PHF20: variants seen among roughly 807,000 people sequenced by gnomAD.
PHF20 encodes PHD finger protein 20, also known as glioma-expressed antigen 2.
A neutral mutation model predicts 113.5 loss-of-function variants in PHF20; 23 were observed. The ratio of observed to expected loss-of-function variants is 0.20; its 90% CI spans 0.15 to 0.29. The LOEUF (loss-of-function observed/expected upper bound fraction) is 0.29, where lower values mean the gene tolerates loss of function less well. PHF20 is among the 10% of genes least tolerant of loss of function. PHF20 has a pLI of 1.00. For synonymous variants in PHF20, 434 were observed against 457.3 expected, an observed-to-expected ratio of 0.95 and a Z score of 0.65; for missense variants, 943 against 1,219.6, an observed-to-expected ratio of 0.77 and a Z score of 3.38.
intron 2 of PHF20, among the ~76,000 whole-genome samples, chr20:35,840,040 C>T (rs1038609192): frequency 2.6e-5 from 4 of 152,136 alleles, no homozygotes; most frequent in African/African-American, 9.7e-5. Flanking sequence ...AGTATACAGA[C>T]ACAAGAAAGC....
intron 12 of PHF20, among the ~76,000 whole-genome samples, chr20:35,917,015 C>T (rs888514608): frequency 4.6e-5 from 7 of 152,172 alleles, no homozygotes; most frequent in African/African-American, 7.2e-5. Context: ...CCTCCTCCTT[C>T]GGCCTCCCAA....
intron 2 of PHF20, among the ~76,000 whole-genome samples, chr20:35,810,016 G>A (rs62211721): frequency 0.015 from 2,355 of 152,154 alleles, 30 homozygotes; most frequent in Non-Finnish European, 0.023. Context: ...TGCAACCTCC[G>A]CCTCCTGAGT....
chr20:35,802,130 G>T (rs2041791413), intron 2 of PHF20, among the ~76,000 whole-genome samples: 1 of 152,094 alleles, frequency 6.6e-6, no homozygotes, highest in South Asian at 2.1e-4. Flanking sequence ...ACCTCTGGCT[G>T]GTAATTAGCT....
intron 15 of PHF20, among the ~76,000 whole-genome samples, chr20:35,936,087 A>G: frequency 6.6e-6 from 1 of 152,184 alleles, no homozygotes; most frequent in East Asian, 1.9e-4. Context: ...CGCAGTTGGA[A>G]GGATGAAAAT....
chr20:35,933,510 C>A (rs1018189343), intron 15 of PHF20, among the ~76,000 whole-genome samples: 3 of 152,052 alleles, frequency 2.0e-5, no homozygotes, highest in Non-Finnish European at 4.4e-5. Context: ...CATTCTCCTG[C>A]CTCAGCCTCC....
chr20:35,881,347 C>T (rs540818798), intron 9 of PHF20, among the ~76,000 whole-genome samples: 26 of 151,858 alleles, frequency 1.7e-4, no homozygotes, highest in African/African-American at 1.7e-4. Context: ...CGTGAGCCAC[C>T]GCACCCGGCC....
chr20:35,937,479 A>G lies in PHF20; in HGVS notation c.2301-1218A>G, dbSNP rs973495804. 9.9e-5 allele frequency among the ~76,000 whole-genome samples: 15 copies of G among 152,198 alleles called. No homozygotes were observed. The South Asian group carries it at 1.0e-3, about 11-fold the overall frequency. On this transcript the variant is annotated intron_variant, in intron 15 of 17. Coordinates refer to ENST00000374012, the MANE Select transcript of PHF20 (RefSeq NM_016436.5). ...GCGAAACTCCGTCTCAAAAAAAAAA[A>G]AAAGAAAGAAAGAAAGGAGTGTCTG... is the stretch of plus-strand genomic sequence containing the variant.
chr20:35,807,812 A>AT (rs1262015854), intron 2 of PHF20, among the ~76,000 whole-genome samples: 1 of 152,166 alleles, frequency 6.6e-6, no homozygotes, highest in African/African-American at 2.4e-5. Flanking sequence ...TTGAACATTG[A>AT]TTGGTTATTT....
At chr20:35,807,090 C>T (rs988029818) in intron 2 of PHF20, among the ~76,000 whole-genome samples, 6 of 152,032 alleles carry the variant, frequency 3.9e-5, no homozygotes, top group Admixed American at 6.6e-5. Context: ...CCACTGCACC[C>T]GGTCAACCTT....
chr20:35,850,299 T>TA (rs2042697445), intron 4 of PHF20, among the ~76,000 whole-genome samples: 1 of 96,684 alleles, frequency 1.0e-5, no homozygotes, highest in East Asian at 2.7e-4. Flanking sequence ...CCCCTCCGTT[T>TA]TTTTTTTTTT....
chr20:35,799,111 G>C (rs1004362419), intron 1 of PHF20, among the ~76,000 whole-genome samples: 2 of 152,012 alleles, frequency 1.3e-5, no homozygotes, highest in African/African-American at 4.8e-5. Flanking sequence ...GGCAGGCATT[G>C]CTCTGGCAGT....
At chr20:35,848,961 C>A (rs2042671138) in intron 4 of PHF20, among the ~76,000 whole-genome samples, 1 of 151,778 alleles carries the variant, frequency 6.6e-6, no homozygotes, top group South Asian at 2.1e-4. Flanking sequence ...TGGTCATTTG[C>A]AACGCTAATA....
At chr20:35,822,921 C>A (rs532692779) in intron 2 of PHF20, among the ~76,000 whole-genome samples, 9 of 151,508 alleles carry the variant, frequency 5.9e-5, no homozygotes, top group Admixed American at 2.0e-4. Flanking sequence ...CAGCCTCCCC[C>A]ACTTTCAACA....
At position 35,863,388 on chromosome 20, in the gene PHF20, A is replaced by G. The variant is rs745400759; in HGVS notation, c.796A>G (p.Ile266Val). The G allele has an allele frequency of 1.7e-5, 27 of 1,600,026 alleles. No homozygotes were observed. Among genetic ancestry groups the G allele is most frequent in the Non-Finnish European group, 2.2e-5 (26 of 1,175,666 alleles). ...AAGAAAACGAGGCAGACCCCCTTCC[A>G]TAGCTCCTACTGGTGAGTTTTTTAA... ...PKRKRGRPPS[I>V]APTAVDSNSQ... The change falls in exon 6 of 18, where the codon ATA becomes GTA. Residue 266 changes from isoleucine to valine, a missense_variant. Ile to Val is a conservative substitution (Grantham distance 29). Around this residue, in one of 3 missense-constraint regions of PHF20, gnomAD observed 592 missense variants for 787.2 expected, o/e 0.75. Coordinates refer to ENST00000374012, the MANE Select transcript of PHF20 (RefSeq NM_016436.5).
At chr20:35,785,353 CTT>C (rs1323845217) in intron 1 of PHF20, among the ~76,000 whole-genome samples, 1 of 152,012 alleles carries the variant, frequency 6.6e-6, no homozygotes, top group Non-Finnish European at 1.5e-5. Context: ...GAGTTTTGCT[CTT>C]GTCACCCAGG....
intron 2 of PHF20, among the ~76,000 whole-genome samples, chr20:35,822,987 G>A (rs1055795009): frequency 1.3e-5 from 2 of 151,270 alleles, no homozygotes; most frequent in East Asian, 3.9e-4. Flanking sequence ...TGACACCTCA[G>A]TACCACCCAA....
chr20:35,799,710 C>T (rs954111014), intron 1 of PHF20, among the ~76,000 whole-genome samples: 3 of 152,078 alleles, frequency 2.0e-5, no homozygotes. Flanking sequence ...CTCTGTCACC[C>T]AGGCTGGAGT....
chr20:35,917,516 A>G lies in PHF20; in HGVS notation c.1858A>G (p.Ser620Gly), dbSNP rs2055427626. The G allele has an allele frequency of 6.2e-7, 1 of 1,613,910 alleles. No homozygotes were observed. The highest frequency in any genetic ancestry group is 8.5e-7 in the Non-Finnish European group (1 of 1,179,920). ...EDNLSESSSE[S>G]FLWSDDEYGQ... Reference sequence around the variant, plus strand: ...TAATTTGAGTGAGTCCTCTTCTGAGAGCTTTCTCTGGAGTGATGATGAGTA... The same window carrying G: ...TAATTTGAGTGAGTCCTCTTCTGAGGGCTTTCTCTGGAGTGATGATGAGTA... Residue 620 changes from serine to glycine, a missense_variant, in exon 13 of 18, where the codon AGC (serine) becomes GGC (glycine). Coordinates refer to ENST00000374012, the MANE Select transcript of PHF20 (RefSeq NM_016436.5).
chr20:35,912,701 G>A (rs539715903), intron 10 of PHF20, among the ~76,000 whole-genome samples: 2 of 152,216 alleles, frequency 1.3e-5, no homozygotes, highest in Non-Finnish European at 2.9e-5. Flanking sequence ...GTGTGGTGGC[G>A]TGTGTCTGTA....
Sources: allele counts gnomAD v4.1 joint callset (sites outside exome capture counted in the v4.1 genomes callset), GRCh38; gene constraint gnomAD v4.1.1; regional missense constraint gnomAD v4.1.1; transcripts MANE v1.5; gene names NCBI Gene and HGNC (gene_info 2026-07-23, HGNC 2026-07-21).